Variants in PIK3C2G observed in about 807,000 individuals in gnomAD.
PIK3C2G encodes phosphatidylinositol-4-phosphate 3-kinase catalytic subunit type 2 gamma.
Under a neutral mutation model 181.1 loss-of-function variants are expected in PIK3C2G, and 168 were observed. That is an observed-to-expected ratio of 0.93 (90% CI 0.82 to 1.05). The LOEUF (loss-of-function observed/expected upper bound fraction) is 1.05, where lower values mean the gene tolerates loss of function less well. Ranked by LOEUF, PIK3C2G falls within the 50% of genes least tolerant of loss-of-function variation. The pLI is 0.00. For missense variants in PIK3C2G, 1,869 were observed against 1,732.8 expected, an observed-to-expected ratio of 1.08 and a Z score of -1.40; for synonymous variants, 573 against 592.2, an observed-to-expected ratio of 0.97 and a Z score of 0.47.
In PIK3C2G at chr12:18,386,172, C is replaced by T. The variant is rs190257902; in HGVS notation, c.1995+4292C>T. ...GATCATCCTTTGTCTCCTTCCCAGG[C>T]TCTCACCAAAGACAATTCTCAAAGG... is the stretch of plus-strand genomic sequence containing the variant. On this transcript the variant is annotated intron_variant, in intron 14 of 32. Coordinates refer to ENST00000538779, the MANE Select transcript of PIK3C2G (RefSeq NM_001288772.2). Among the ~76,000 whole-genome samples the T allele has an allele frequency of 3.2e-3, 488 of 152,260 alleles. 4 individuals are homozygous for T. The highest frequency in any genetic ancestry group is 4.1e-3 in the Non-Finnish European group (278 of 68,028).
At chr12:18,448,283 G>A (rs777292635) in intron 18 of PIK3C2G, among the ~76,000 whole-genome samples, 25 of 151,856 alleles carry the variant, frequency 1.6e-4, no homozygotes, top group Non-Finnish European at 3.4e-4. Context: ...ATTTCTGTTT[G>A]TTTTTATTTT....
chr12:18,302,173 C>T (rs1950203536), intron 5 of PIK3C2G, among the ~76,000 whole-genome samples: 1 of 152,162 alleles, frequency 6.6e-6, no homozygotes, highest in Non-Finnish European at 1.5e-5. Context: ...CTCAGGTGAA[C>T]TGATGCTTGG....
At chr12:18,641,880 A>G (rs1462642792) in intron 32 of PIK3C2G, among the ~76,000 whole-genome samples, 1 of 151,598 alleles carries the variant, frequency 6.6e-6, no homozygotes, top group Non-Finnish European at 1.5e-5. Flanking sequence ...CACCCGAGTA[A>G]CTGAGATTAC....
chr12:18,404,094 A>G (rs1230863883), intron 16 of PIK3C2G, among the ~76,000 whole-genome samples: 3 of 54,268 alleles, frequency 5.5e-5, no homozygotes. Flanking sequence ...TATTTAACAG[A>G]ACAGTGCCTT....
chr12:18,591,725 G>A (rs191788430), intron 29 of PIK3C2G, among the ~76,000 whole-genome samples: 3 of 151,980 alleles, frequency 2.0e-5, no homozygotes, highest in Admixed American at 2.0e-4. Flanking sequence ...ATCACTACAG[G>A]TTTTAAGCAG....
At chr12:18,510,252 C>T (rs1942119508) in intron 24 of PIK3C2G, among the ~76,000 whole-genome samples, 1 of 152,180 alleles carries the variant, frequency 6.6e-6, no homozygotes, top group South Asian at 2.1e-4. Context: ...AGGCATGTGC[C>T]ACAGTGCCCG....
chr12:18,621,853 A>G (rs1948879287), intron 31 of PIK3C2G, among the ~76,000 whole-genome samples: 1 of 151,802 alleles, frequency 6.6e-6, no homozygotes, highest in African/African-American at 2.4e-5. Context: ...ACCTGAAATT[A>G]TTCCACCTTT....
At chr12:18,418,654 AG>A (rs1945308704) in intron 16 of PIK3C2G, among the ~76,000 whole-genome samples, 1 of 152,172 alleles carries the variant, frequency 6.6e-6, no homozygotes, top group African/African-American at 2.4e-5. Context: ...CAAGCATTAA[AG>A]GCTAGAGCCA....
intron 30 of PIK3C2G, among the ~76,000 whole-genome samples, chr12:18,597,820 G>A (rs932688930): frequency 5.9e-5 from 9 of 151,848 alleles, no homozygotes; most frequent in African/African-American, 2.2e-4. Context: ...CAAAATCAAT[G>A]TACAAAAATC....
At chr12:18,410,257 T>C (rs1944784961) in intron 16 of PIK3C2G, among the ~76,000 whole-genome samples, 1 of 152,104 alleles carries the variant, frequency 6.6e-6, no homozygotes, top group Admixed American at 6.6e-5. Context: ...CCCAACACTT[T>C]GGGAGGCCGA....
In PIK3C2G at chr12:18,343,324, C is replaced by A; in HGVS notation, c.1396-3C>A. 1 of 1,343,358 alleles carries A rather than the reference C, an allele frequency of 7.4e-7. No homozygotes were observed. The highest frequency in any genetic ancestry group is 1.0e-6 in the Non-Finnish European group (1 of 970,474). The allele number at this position is 1,343,358 out of a possible 1,614,324, so 83.2% of individuals were successfully genotyped here. The stretch of plus-strand genomic sequence containing the variant: ...ACAAGTATAATTTTACATTTTTTTT[C>A]AGAATTTTTATCAAAGTTCAGAGAC... On this transcript the variant is annotated splice_polypyrimidine_tract_variant and splice_region_variant and intron_variant, in intron 9 of 32. Transcript: ENST00000538779.
At chr12:18,694,652 A>G in the PIK3C2G span, among the ~76,000 whole-genome samples, 2 of 152,178 alleles carry the variant, frequency 1.3e-5, no homozygotes, top group Non-Finnish European at 2.9e-5. Flanking sequence ...ATGAAATCAT[A>G]TAGTAGAACT....
At chr12:18,686,451 T>G in the PIK3C2G span, among the ~76,000 whole-genome samples, 8 of 152,122 alleles carry the variant, frequency 5.3e-5, no homozygotes, top group African/African-American at 1.9e-4. Context: ...TCCACCCATC[T>G]TGAGTTTCTT....
chr12:18,498,594 C>G (rs961455672), intron 22 of PIK3C2G, among the ~76,000 whole-genome samples: 1 of 150,842 alleles, frequency 6.6e-6, no homozygotes, highest in Non-Finnish European at 1.5e-5. Context: ...TCAAGCAGAG[C>G]TACAATTTAA....
chr12:18,387,946 T>C (rs1217562016), intron 14 of PIK3C2G, among the ~76,000 whole-genome samples: 1 of 152,206 alleles, frequency 6.6e-6, no homozygotes, highest in Non-Finnish European at 1.5e-5. Context: ...AAGCAAGACG[T>C]CTCCTTAAAC....
chr12:18,422,135 T>C (rs1945521090), intron 17 of PIK3C2G, among the ~76,000 whole-genome samples: 1 of 152,078 alleles, frequency 6.6e-6, no homozygotes, highest in African/African-American at 2.4e-5. Context: ...TAAGTACACT[T>C]GGCATCAGGA....
At chr12:18,453,220 T>C (rs974166916) in intron 18 of PIK3C2G, among the ~76,000 whole-genome samples, 1 of 152,146 alleles carries the variant, frequency 6.6e-6, no homozygotes, top group African/African-American at 2.4e-5. Context: ...GAACTTGTTT[T>C]ATTATTCTGG....
intron 14 of PIK3C2G, among the ~76,000 whole-genome samples, chr12:18,387,511 C>G (rs1425349430): frequency 6.6e-6 from 1 of 152,162 alleles, no homozygotes; most frequent in Non-Finnish European, 1.5e-5. Flanking sequence ...TGTTCCCTGT[C>G]TATAATGTGC....
chr12:18,587,174 C>T (rs1022299621), intron 29 of PIK3C2G, among the ~76,000 whole-genome samples: 2 of 152,074 alleles, frequency 1.3e-5, no homozygotes, highest in African/African-American at 4.8e-5. Flanking sequence ...CCTCATCACT[C>T]CTATTCAACA....
Sources: allele counts gnomAD v4.1 joint callset (sites outside exome capture counted in the v4.1 genomes callset), GRCh38; gene constraint gnomAD v4.1.1; transcripts MANE v1.5; gene names NCBI Gene and HGNC (gene_info 2026-07-23, HGNC 2026-07-21).